Variants in RPS6KC1 observed in about 807,000 individuals in gnomAD.
RPS6KC1 encodes ribosomal protein S6 kinase C1.
Under a neutral mutation model 103.8 loss-of-function variants are expected in RPS6KC1, and 54 were observed. The observed-to-expected ratio is 0.52, with a 90% CI of 0.42 to 0.65. RPS6KC1 has a LOEUF of 0.65. Among genes scored for constraint, RPS6KC1 ranks in the 30% least tolerant of loss-of-function variants. The pLI is 0.00. For missense variants in RPS6KC1, 1,151 were observed against 1,253.8 expected, an observed-to-expected ratio of 0.92 and a Z score of 1.24; for synonymous variants, 439 against 438.7, an observed-to-expected ratio of 1.00 and a Z score of -0.01.
At chr1:213,417,552 G>T in the RPS6KC1 span, among the ~76,000 whole-genome samples, 1 of 152,254 alleles carries the variant, frequency 6.6e-6, no homozygotes, top group Non-Finnish European at 1.5e-5. Flanking sequence ...GCCAGTGGGG[G>T]CTCGGGGTGC....
At chr1:213,242,415 C>T in intron 11 of RPS6KC1, 118 bp downstream of exon 11, 1 of 1,236,010 alleles carries the variant, frequency 8.1e-7, no homozygotes, top group Non-Finnish European at 1.2e-6. Flanking sequence ...ATTATCAGTG[C>T]AGCAAATTCA....
At chr1:213,826,255 T>C in the RPS6KC1 span, among the ~76,000 whole-genome samples, 2,555 of 152,330 alleles carry the variant, frequency 0.017, 75 homozygotes, top group African/African-American at 0.058. Context: ...ATTTCAATGT[T>C]GACAAGTACA....
At chr1:213,367,495 T>A in the RPS6KC1 span, among the ~76,000 whole-genome samples, 1 of 152,234 alleles carries the variant, frequency 6.6e-6, no homozygotes, top group Non-Finnish European at 1.5e-5. Flanking sequence ...TGACGTGAAA[T>A]CAACCACGTC....
chr1:213,262,433 T>A (rs1573687947), intron 13 of RPS6KC1, among the ~76,000 whole-genome samples: 1 of 152,350 alleles, frequency 6.6e-6, no homozygotes, highest in South Asian at 2.1e-4. Context: ...TAGTTTTGCG[T>A]ATAATTTAAG....
At chr1:213,834,315 G>C in the RPS6KC1 span, among the ~76,000 whole-genome samples, 1 of 152,168 alleles carries the variant, frequency 6.6e-6, no homozygotes, top group Non-Finnish European at 1.5e-5. Flanking sequence ...ATGAGCCACT[G>C]TGCCTGGCCA....
At chr1:213,069,298 G>A (rs200710110) in intron 1 of RPS6KC1, among the ~76,000 whole-genome samples, 1 of 152,118 alleles carries the variant, frequency 6.6e-6, no homozygotes, top group Non-Finnish European at 1.5e-5. Context: ...CTGAAAGTTG[G>A]AGAATAGAGT....
At chr1:213,325,325 T>G in the RPS6KC1 span, among the ~76,000 whole-genome samples, 4 of 152,194 alleles carry the variant, frequency 2.6e-5, no homozygotes, top group Admixed American at 6.5e-5. Context: ...TGGTGCTAAC[T>G]ACAGCTGTTT....
chr1:213,334,847 T>G, the RPS6KC1 span, among the ~76,000 whole-genome samples: 1 of 152,224 alleles, frequency 6.6e-6, no homozygotes, highest in Non-Finnish European at 1.5e-5. Flanking sequence ...TATCTAGAGA[T>G]ATATATATTT....
chr1:213,200,739 A>C (rs970554395), intron 8 of RPS6KC1, among the ~76,000 whole-genome samples: 3 of 152,224 alleles, frequency 2.0e-5, no homozygotes, highest in African/African-American at 7.2e-5. Context: ...ACGAAGGTCT[A>C]ATATCCAGCA....
the RPS6KC1 span, among the ~76,000 whole-genome samples, chr1:213,385,021 G>A: frequency 6.6e-6 from 1 of 152,130 alleles, no homozygotes; most frequent in Non-Finnish European, 1.5e-5. Flanking sequence ...GCCAGACTGG[G>A]GTTTGAACTG....
chr1:213,115,777 G>GA (rs2083525306), intron 4 of RPS6KC1, among the ~76,000 whole-genome samples: 2 of 152,124 alleles, frequency 1.3e-5, no homozygotes, highest in African/African-American at 4.8e-5. Flanking sequence ...TGGTTTCAAA[G>GA]GCATCTTTAT....
At chr1:213,845,353 G>T in the RPS6KC1 span, among the ~76,000 whole-genome samples, 1 of 152,018 alleles carries the variant, frequency 6.6e-6, no homozygotes, top group Non-Finnish European at 1.5e-5. Flanking sequence ...TTGTTATTTT[G>T]GGGAATGCTT....
chr1:213,607,841 T>A, the RPS6KC1 span, among the ~76,000 whole-genome samples: 1 of 152,180 alleles, frequency 6.6e-6, no homozygotes, highest in African/African-American at 2.4e-5. Flanking sequence ...CAGATTTTAT[T>A]TCTAGTTAGA....
At chr1:213,607,094 C>G in the RPS6KC1 span, among the ~76,000 whole-genome samples, 1 of 152,150 alleles carries the variant, frequency 6.6e-6, no homozygotes, top group Non-Finnish European at 1.5e-5. Context: ...GTCTTACGTG[C>G]TCAGCAATGT....
chr1:213,547,019 C>T, the RPS6KC1 span, among the ~76,000 whole-genome samples: 1 of 152,170 alleles, frequency 6.6e-6, no homozygotes, highest in African/African-American at 2.4e-5. Flanking sequence ...GATAGGTTTG[C>T]AGACTTTCCT....
chr1:213,733,688 T>C, the RPS6KC1 span, among the ~76,000 whole-genome samples: 1 of 152,158 alleles, frequency 6.6e-6, no homozygotes, highest in East Asian at 1.9e-4. Flanking sequence ...TTATCTTAAA[T>C]TGTAGCCTTT....
chr1:213,672,973 A>G, the RPS6KC1 span, among the ~76,000 whole-genome samples: 1 of 152,302 alleles, frequency 6.6e-6, no homozygotes, highest in East Asian at 1.9e-4. Flanking sequence ...AATTATCAAA[A>G]TCTGTCCCAT....
the RPS6KC1 span, among the ~76,000 whole-genome samples, chr1:213,305,808 G>T: frequency 3.2e-3 from 487 of 152,226 alleles, 3 homozygotes; most frequent in African/African-American, 0.011. Context: ...CCTATGTGCC[G>T]TGCCCTCTCC....
the RPS6KC1 span, among the ~76,000 whole-genome samples, chr1:213,339,406 A>C: frequency 6.6e-6 from 1 of 152,234 alleles, no homozygotes. Context: ...TCTGTTTCAG[A>C]CCAGAAAGAT....
Sources: allele counts gnomAD v4.1 joint callset (sites outside exome capture counted in the v4.1 genomes callset), GRCh38; gene constraint gnomAD v4.1.1; transcripts MANE v1.5; gene names NCBI Gene and HGNC (gene_info 2026-07-23, HGNC 2026-07-21).